Variants in PPME1 observed in about 807,000 individuals in gnomAD.
The protein encoded by PPME1 is testicular secretory protein Li 39.
Under a neutral mutation model 56.9 loss-of-function variants are expected in PPME1, and 17 were observed. The observed-to-expected ratio is 0.30, with a 90% CI of 0.20 to 0.45. The LOEUF (loss-of-function observed/expected upper bound fraction) is 0.45. Among genes scored for constraint, PPME1 ranks in the 20% least tolerant of loss-of-function variants. PPME1 has a pLI of 1.00. For synonymous variants in PPME1, 122 were observed against 156.2 expected, an observed-to-expected ratio of 0.78 and a Z score of 1.63; for missense variants, 357 against 483.2, an observed-to-expected ratio of 0.74 and a Z score of 2.45.
chr11:74,248,380 C>G (rs1380447112), intron 11 of PPME1: 3 of 152,228 alleles, frequency 2.0e-5, no homozygotes, highest in Non-Finnish European at 4.4e-5. Context: ...AGATCCAGTC[C>G]TAGCCTATGT....
intron 4 of PPME1, 118 bp downstream of exon 4, chr11:74,222,487 G>T: frequency 1.1e-6 from 1 of 912,856 alleles, no homozygotes; most frequent in Non-Finnish European, 1.7e-6. Context: ...TTCCATTTGA[G>T]CTTTTTGTTG....
chr11:74,180,752 G>C (rs1857510499), intron 1 of PPME1, among the ~76,000 whole-genome samples: 1 of 152,254 alleles, frequency 6.6e-6, no homozygotes, highest in African/African-American at 2.4e-5. Context: ...ACTATTATAA[G>C]ACAGCAAATG....
intron 9 of PPME1, among the ~76,000 whole-genome samples, chr11:74,241,484 A>G (rs74895176): frequency 0.037 from 5,636 of 152,122 alleles, 218 homozygotes; most frequent in African/African-American, 0.099. Flanking sequence ...ATAGGCTTTT[A>G]TTATTTGTCT....
chr11:74,225,742 G>A (rs1341926839), intron 5 of PPME1, among the ~76,000 whole-genome samples: 1 of 152,168 alleles, frequency 6.6e-6, no homozygotes, highest in East Asian at 1.9e-4. Context: ...AACATGTACA[G>A]TGGCTCTTAA....
At chr11:74,248,800 A>T (rs1210881846) in intron 11 of PPME1, 1 of 152,232 alleles carries the variant, frequency 6.6e-6, no homozygotes, top group African/African-American at 2.4e-5. Context: ...AGACAGAAGA[A>T]TCAGATATGG....
intron 13 of PPME1, chr11:74,252,623 C>A: frequency 2.3e-6 from 1 of 441,190 alleles, no homozygotes; most frequent in Non-Finnish European, 4.6e-6. Flanking sequence ...GGGGACTGTC[C>A]TGTGCATTGT....
Position 74,230,352 on chromosome 11 carries a change from A to G in PPME1, c.506A>G (p.Asn169Ser), listed in dbSNP as rs938028891. ...ATTGCAGTCCACACAGCATCATCCA[A>G]CCTGGTACCAAGCCTCTTGGGTCTG... is the stretch of plus-strand genomic sequence containing the variant. ...GAIAVHTASS[N>S]LVPSLLGLCM... The change falls in exon 6 of 14, where the codon AAC becomes AGC. Residue 169 changes from asparagine (N) to serine (S), a missense_variant. By Grantham distance (46) the Asn-to-Ser change is conservative. This residue lies in a region of PPME1 where 182 missense variants were observed against 293.8 expected (regional missense o/e 0.62). Coordinates refer to ENST00000328257, the MANE Select transcript of PPME1 (RefSeq NM_016147.3). The surrounding 1 kb of genome is among the most constrained non-coding windows in gnomAD (Gnocchi z 4.9). 12 of 1,613,690 alleles carry G rather than the reference A, an allele frequency of 7.4e-6. No individual in the cohort carries two copies. Among genetic ancestry groups the G allele is most frequent in the Non-Finnish European group, 1.0e-5 (12 of 1,179,792 alleles).
At chr11:74,183,683 A>G (rs1857598199) in intron 1 of PPME1, among the ~76,000 whole-genome samples, 1 of 152,112 alleles carries the variant, frequency 6.6e-6, no homozygotes, top group Non-Finnish European at 1.5e-5. Context: ...TTAGTTTTTC[A>G]TCTTACAAAT....
intron 1 of PPME1, among the ~76,000 whole-genome samples, chr11:74,192,076 C>T (rs1857855038): frequency 6.6e-6 from 1 of 152,202 alleles, no homozygotes; most frequent in East Asian, 1.9e-4. Context: ...CAGCTCTAAC[C>T]TCTGAGAAAA....
chr11:74,202,127 G>A (rs538407462), intron 1 of PPME1, among the ~76,000 whole-genome samples: 19 of 152,312 alleles, frequency 1.2e-4, no homozygotes, highest in African/African-American at 4.1e-4. Flanking sequence ...ATTTGACCAA[G>A]TTCATAATGT....
At chr11:74,243,610 T>G (rs1292459433) in intron 9 of PPME1, 3 of 152,146 alleles carry the variant, frequency 2.0e-5, no homozygotes, top group Non-Finnish European at 2.9e-5. Context: ...AGTTCTTTAG[T>G]GAGAATATTT....
chr11:74,233,852 G>A (rs1437649792), intron 7 of PPME1, among the ~76,000 whole-genome samples: 1 of 152,100 alleles, frequency 6.6e-6, no homozygotes, highest in African/African-American at 2.4e-5. Flanking sequence ...GGGGAAACCT[G>A]GGCTTTGAGG....
chr11:74,193,104 T>C (rs529069906), intron 1 of PPME1, among the ~76,000 whole-genome samples: 66 of 152,390 alleles, frequency 4.3e-4, no homozygotes, highest in African/African-American at 1.5e-3. Context: ...ACTGTGCTGG[T>C]TGGTTACCCT....
chr11:74,251,882 A>T (rs764440095), intron 13 of PPME1, 167 bp downstream of exon 13: 1 of 924,376 alleles, frequency 1.1e-6, no homozygotes. Flanking sequence ...CTACAAAGCC[A>T]TGGTTGGTTG....
intron 1 of PPME1, among the ~76,000 whole-genome samples, chr11:74,200,871 G>A (rs1858144003): frequency 6.6e-6 from 1 of 151,964 alleles, no homozygotes; most frequent in African/African-American, 2.4e-5. Context: ...TGTTTTTTGA[G>A]AGATGAGACC....
At chr11:74,177,987 T>C (rs1857441075) in intron 1 of PPME1, among the ~76,000 whole-genome samples, 1 of 152,212 alleles carries the variant, frequency 6.6e-6, no homozygotes, top group Admixed American at 6.5e-5. Context: ...TTAGCAACAT[T>C]ATATTGATGT....
rs1859639059 is a variant in PPME1 at position 74,250,833 on chromosome 11, G to A, written c.1010-121G>A. On this transcript the variant is annotated intron_variant, in intron 11 of 13. Coordinates refer to ENST00000328257, the MANE Select transcript of PPME1 (RefSeq NM_016147.3). ...CAGCAAGACTTGATAATTGGGTCCA[G>A]AGTATTGAGGTGAGGTTGGAAATGG... 3 of 758,594 alleles carry A rather than the reference G, an allele frequency of 4.0e-6. No homozygotes were observed. The Admixed American group carries it at 6.6e-5, about 17-fold the overall frequency. The allele number at this position is 758,594 out of a possible 1,614,324, so 47.0% of individuals were successfully genotyped here.
intron 4 of PPME1, among the ~76,000 whole-genome samples, chr11:74,223,795 T>G (rs1487389845): frequency 2.1e-5 from 3 of 144,028 alleles, no homozygotes; most frequent in African/African-American, 7.8e-5. Flanking sequence ...GGGTTGTTTG[T>G]TTTTTTCTTG....
Position 74,217,740 on chromosome 11 carries a change from TA to T in PPME1, c.289-4560del, listed in dbSNP as rs551970726. Reference sequence around the variant, plus strand: ...GATAAAATTCAACATCCCTTCATGATAAAAAAAAAAAACTTAAACTGAGTAT... The same window carrying T: ...GATAAAATTCAACATCCCTTCATGATAAAAAAAAAAACTTAAACTGAGTAT... On this transcript the variant is annotated intron_variant, in intron 3 of 13. Coordinates refer to ENST00000328257, the MANE Select transcript of PPME1 (RefSeq NM_016147.3). Among the ~76,000 whole-genome samples the T allele has an allele frequency of 3.1e-3, 415 of 133,208 alleles. 2 individuals are homozygous for T. Among genetic ancestry groups the T allele is most frequent in the African/African-American group, 8.8e-3 (318 of 36,076 alleles). 87.4% of individuals were successfully genotyped at this position (133,208 alleles called of 152,430 possible).
Sources: gnomAD v4.1 joint callset for allele counts (sites outside exome capture counted in the v4.1 genomes callset) on GRCh38, gnomAD v4.1.1 for gene constraint, gnomAD v4.1.1 regional missense constraint, Gnocchi (gnomAD v3.1) non-coding constraint, MANE v1.5 for transcripts, NCBI Gene and HGNC (gene_info 2026-07-23, HGNC 2026-07-21) for gene names.